LRRIQ1: variants seen among roughly 807,000 people sequenced by gnomAD.
LRRIQ1 encodes leucine-rich repeat- and IQ domain-containing protein 1.
A neutral mutation model predicts 211.9 loss-of-function variants in LRRIQ1; 210 were observed. That is an observed-to-expected ratio of 0.99 (90% CI 0.89 to 1.11). The LOEUF is 1.11. LRRIQ1 is among the 50% of genes most tolerant of loss of function. The pLI, the probability that LRRIQ1 is intolerant of heterozygous loss-of-function variation, is 0.00. For synonymous variants in LRRIQ1, 699 were observed against 650.1 expected (o/e 1.08, Z -1.14); for missense variants, 2,136 against 1,939.5 (o/e 1.10, Z -1.90).
chr12:85,180,201 T>C (rs1007127873), intron 24 of LRRIQ1, among the ~76,000 whole-genome samples: 3 of 151,968 alleles, frequency 2.0e-5, no homozygotes, highest in Admixed American at 6.6e-5. Flanking sequence ...CATTTCCTAC[T>C]GAAGTTCAAC....
At chr12:85,101,058 G>A (rs1295199273) in intron 13 of LRRIQ1, among the ~76,000 whole-genome samples, 1 of 151,668 alleles carries the variant, frequency 6.6e-6, no homozygotes, top group African/African-American at 2.4e-5. Context: ...AAGTGGTAAT[G>A]CCTATCTTAC....
chr12:85,134,525 G>C (rs1888988891), intron 18 of LRRIQ1, among the ~76,000 whole-genome samples: 2 of 151,906 alleles, frequency 1.3e-5, no homozygotes, highest in African/African-American at 4.8e-5. Flanking sequence ...AGTAAATTTT[G>C]AAAACCATGC....
intron 7 of LRRIQ1, among the ~76,000 whole-genome samples, chr12:85,054,503 T>C (rs1880741989): frequency 6.6e-6 from 1 of 152,172 alleles, no homozygotes; most frequent in Non-Finnish European, 1.5e-5. Flanking sequence ...TATTTTTCTA[T>C]TATTTTCTTC....
Position 85,244,432 on chromosome 12 carries a change from G to A in LRRIQ1, c.5017-357G>A, listed in dbSNP as rs7485144. Among the ~76,000 whole-genome samples the A allele has an allele frequency of 0.017, 2,632 of 151,552 alleles. 136 individuals are homozygous for A. In the East Asian group the frequency reaches 0.2, roughly 12 times the overall value. ...TGCAAAAAATAACCCCATATGACAT[G>A]TCTAACATTCAATTAAAAATTAAAT... On this transcript the variant is annotated intron_variant, in intron 26 of 26. Coordinates refer to ENST00000393217, the MANE Select transcript of LRRIQ1 (RefSeq NM_001079910.2).
intron 11 of LRRIQ1, among the ~76,000 whole-genome samples, chr12:85,078,708 T>C (rs1447139711): frequency 1.3e-5 from 2 of 152,170 alleles, no homozygotes; most frequent in Non-Finnish European, 2.9e-5. Context: ...GTCTTCTGTG[T>C]CTTATATAAT....
chr12:85,248,380 T>A (rs1895796748), downstream of LRRIQ1, among the ~76,000 whole-genome samples: 1 of 151,646 alleles, frequency 6.6e-6, no homozygotes, highest in Non-Finnish European at 1.5e-5. Context: ...AACATATAGC[T>A]TAGTTAGTAA....
chr12:85,129,110 C>T (rs1377214931), intron 18 of LRRIQ1, among the ~76,000 whole-genome samples: 2 of 152,098 alleles, frequency 1.3e-5, no homozygotes, highest in Non-Finnish European at 2.9e-5. Flanking sequence ...CAATTGGTCC[C>T]CACAGGCAGT....
At chr12:85,171,316 G>A (rs1891404434) in intron 24 of LRRIQ1, among the ~76,000 whole-genome samples, 1 of 152,176 alleles carries the variant, frequency 6.6e-6, no homozygotes. Context: ...AAAGAGAAGT[G>A]TGAGGCAGTG....
At chr12:85,261,765 T>TTTTATTTATTTATTTA (rs375693906) in intron 1 of LRRIQ1, among the ~76,000 whole-genome samples, 1,614 of 139,650 alleles carry the variant, frequency 0.012, 16 homozygotes, top group Non-Finnish European at 0.015. Flanking sequence ...TTTTTGTTTA[T>TTTTATTTATTTATTTA]TTTATTTATT....
At chr12:85,258,738 C>A (rs1014612521) in intron 1 of LRRIQ1, among the ~76,000 whole-genome samples, 7 of 151,770 alleles carry the variant, frequency 4.6e-5, no homozygotes, top group African/African-American at 1.5e-4. Context: ...TTTCTCCATG[C>A]TTTATTTATG....
At chr12:85,058,327 C>G (rs1299957938) in intron 8 of LRRIQ1, among the ~76,000 whole-genome samples, 1 of 152,010 alleles carries the variant, frequency 6.6e-6, no homozygotes, top group East Asian at 1.9e-4. Context: ...CTCATCTGCT[C>G]TTCTCCAATT....
At chr12:85,058,162 A>G (rs1881350849) in intron 8 of LRRIQ1, among the ~76,000 whole-genome samples, 1 of 152,030 alleles carries the variant, frequency 6.6e-6, no homozygotes, top group African/African-American at 2.4e-5. Context: ...ATCCTGTGAG[A>G]GAATAATAAA....
chr12:85,175,054 G>C (rs1441807166), intron 24 of LRRIQ1, among the ~76,000 whole-genome samples: 1 of 152,052 alleles, frequency 6.6e-6, no homozygotes, highest in Non-Finnish European at 1.5e-5. Context: ...AACATTCTTA[G>C]AAAACATTAT....
chr12:85,192,014 T>G (rs929838485), intron 24 of LRRIQ1, among the ~76,000 whole-genome samples: 2 of 151,920 alleles, frequency 1.3e-5, no homozygotes, highest in Non-Finnish European at 1.5e-5. Flanking sequence ...TATTTTACAT[T>G]CATGGGTATA....
At chr12:85,269,694 A>G in the LRRIQ1 span, among the ~76,000 whole-genome samples, 1 of 151,976 alleles carries the variant, frequency 6.6e-6, no homozygotes, top group Non-Finnish European at 1.5e-5. Flanking sequence ...CTTCAGGAGC[A>G]CTATGATGAG....
chr12:85,258,451 G>A (rs536713080), intron 1 of LRRIQ1, among the ~76,000 whole-genome samples: 21 of 151,908 alleles, frequency 1.4e-4, no homozygotes, highest in African/African-American at 3.9e-4. Flanking sequence ...ACAATATTAC[G>A]TTGAGGAAAT....
chr12:85,203,636 T>C (rs1267110040), intron 24 of LRRIQ1, among the ~76,000 whole-genome samples: 2 of 152,164 alleles, frequency 1.3e-5, no homozygotes, highest in African/African-American at 2.4e-5. Context: ...TGTCTTGTTA[T>C]GTTTTAGCAA....
chr12:85,154,123 A>T (rs759369855), intron 23 of LRRIQ1, 29 bp downstream of exon 23: 3 of 1,247,246 alleles, frequency 2.4e-6, no homozygotes, highest in Non-Finnish European at 3.3e-6. Context: ...TTGAATAATA[A>T]CTGTGTATGG....
downstream of LRRIQ1, among the ~76,000 whole-genome samples, chr12:85,269,220 C>T (rs1896484598): frequency 6.6e-6 from 1 of 151,868 alleles, no homozygotes; most frequent in Non-Finnish European, 1.5e-5. Context: ...ACCCTGATAC[C>T]TGTCCAATCT....
Sources: gnomAD v4.1 joint callset for allele counts (sites outside exome capture counted in the v4.1 genomes callset) on GRCh38, gnomAD v4.1.1 for gene constraint, MANE v1.5 for transcripts, NCBI Gene and HGNC (gene_info 2026-07-23, HGNC 2026-07-21) for gene names.